DOCK3: variants seen among roughly 807,000 people sequenced by gnomAD.
The protein encoded by DOCK3 is dedicator of cytokinesis 3, also known as dedicator of cytokinesis protein 3.
DOCK3 carries 60 observed loss-of-function variants against 265.6 expected under a neutral mutation model. The observed-to-expected ratio is 0.23, with a 90% CI of 0.18 to 0.28. The LOEUF is 0.28. DOCK3 is among the 10% of genes least tolerant of loss of function. DOCK3 has a pLI of 1.00. For missense variants in DOCK3, 1,981 were observed against 2,594.3 expected (o/e 0.76, Z 5.14); for synonymous variants, 881 against 938.0 (o/e 0.94, Z 1.11).
At chr3:51,017,777 A>G (rs1034929350) in intron 5 of DOCK3, among the ~76,000 whole-genome samples, 6 of 151,878 alleles carry the variant, frequency 4.0e-5, no homozygotes, top group African/African-American at 1.5e-4. Context: ...ATTGAGAATG[A>G]TCATGGCTGA....
At chr3:51,025,619 A>C (rs1054507379) in intron 5 of DOCK3, among the ~76,000 whole-genome samples, 1 of 152,104 alleles carries the variant, frequency 6.6e-6, no homozygotes, top group African/African-American at 2.4e-5. Flanking sequence ...GGTTCTGTTC[A>C]TGGGGTGTTT....
Position 51,338,895 on chromosome 3 carries a change from C to T in DOCK3, c.3673-40C>T, listed in dbSNP as rs764236344. ...GCTGCCCAGAGCTTGGCTATGGCTT[C>T]CACAGGTAGTTGACAGGTGTTTCCT... On this transcript the variant is annotated intron_variant, in intron 36 of 52. Coordinates refer to ENST00000266037, the MANE Select transcript of DOCK3 (RefSeq NM_004947.5). The T allele has an allele frequency of 3.0e-5, 46 of 1,535,050 alleles. No individual in the cohort carries two copies. The South Asian group carries it at 4.7e-4, about 16-fold the overall frequency.
At chr3:50,997,964 A>C (rs1453360352) in intron 5 of DOCK3, among the ~76,000 whole-genome samples, 1 of 152,216 alleles carries the variant, frequency 6.6e-6, no homozygotes. Flanking sequence ...ATATTAGAGA[A>C]TATAATGTAT....
chr3:51,036,409 A>G (rs2080265633), intron 5 of DOCK3, among the ~76,000 whole-genome samples: 1 of 152,180 alleles, frequency 6.6e-6, no homozygotes, highest in African/African-American at 2.4e-5. Context: ...CTGATTGTAG[A>G]GATCAAAATA....
chr3:50,721,782 G>A (rs565462608), intron 1 of DOCK3, among the ~76,000 whole-genome samples: 4 of 152,274 alleles, frequency 2.6e-5, no homozygotes, highest in South Asian at 4.2e-4. Context: ...ATTGCTTTGG[G>A]CAGTATGGCC....
chr3:51,106,653 C>T (rs567969794), intron 9 of DOCK3, among the ~76,000 whole-genome samples: 1 of 152,312 alleles, frequency 6.6e-6, no homozygotes, highest in South Asian at 2.1e-4. Flanking sequence ...TTGCCCCTAG[C>T]CCTGAGCAGC....
intron 32 of DOCK3, among the ~76,000 whole-genome samples, chr3:51,326,581 GTTTTGTTGT>G (rs1438556277): frequency 1.1e-4 from 15 of 130,628 alleles, no homozygotes; most frequent in Non-Finnish European, 9.8e-5. Flanking sequence ...CGCCTGGCAT[GTTTTGTTGT>G]TGTTGTTGTT....
intron 32 of DOCK3, among the ~76,000 whole-genome samples, chr3:51,321,025 T>C (rs1347281845): frequency 2.0e-5 from 3 of 152,216 alleles, no homozygotes; most frequent in African/African-American, 7.2e-5. Context: ...CCATGTCTCC[T>C]GACTGGGAGA....
At chr3:51,350,742 A>G (rs1285576918) in intron 40 of DOCK3, among the ~76,000 whole-genome samples, 3 of 152,176 alleles carry the variant, frequency 2.0e-5, no homozygotes, top group Admixed American at 6.5e-5. Context: ...TCTCAGCCAT[A>G]TAGGGCACCA....
intron 49 of DOCK3, among the ~76,000 whole-genome samples, chr3:51,369,075 A>G (rs2087476555): frequency 6.6e-6 from 1 of 152,264 alleles, no homozygotes; most frequent in African/African-American, 2.4e-5. Flanking sequence ...AGATAAAACC[A>G]CAAAGATGGG....
chr3:51,160,426 G>A, intron 11 of DOCK3, 129 bp from the exon 12 acceptor site: 2 of 1,223,604 alleles, frequency 1.6e-6, no homozygotes, highest in East Asian at 2.6e-5. Flanking sequence ...ACTCCCTTCA[G>A]CCCTGTAGTC....
At chr3:50,680,771 C>A (rs930794421) in intron 1 of DOCK3, among the ~76,000 whole-genome samples, 1 of 151,520 alleles carries the variant, frequency 6.6e-6, no homozygotes, top group South Asian at 2.1e-4. Context: ...TGGGGAGTGG[C>A]GGGTTTACAG....
chr3:50,955,376 C>G (rs2076701673), intron 5 of DOCK3, among the ~76,000 whole-genome samples: 1 of 152,134 alleles, frequency 6.6e-6, no homozygotes, highest in African/African-American at 2.4e-5. Context: ...CATAAAGACA[C>G]ATGCACACAA....
At chr3:51,132,282 C>T (rs2084592917) in intron 9 of DOCK3, among the ~76,000 whole-genome samples, 1 of 152,148 alleles carries the variant, frequency 6.6e-6, no homozygotes. Context: ...TATCCATTCC[C>T]ATCCTGTTCT....
intron 2 of DOCK3, among the ~76,000 whole-genome samples, chr3:50,835,439 C>T (rs1454545042): frequency 6.6e-6 from 1 of 152,152 alleles, no homozygotes; most frequent in East Asian, 1.9e-4. Flanking sequence ...CAGAAACTTC[C>T]ATTCGAGAGC....
chr3:51,092,210 C>A (rs940262454), intron 9 of DOCK3, among the ~76,000 whole-genome samples: 1 of 152,202 alleles, frequency 6.6e-6, no homozygotes, highest in Non-Finnish European at 1.5e-5. Context: ...GCCAAGTGGT[C>A]TGGTTTGGCA....
At chr3:51,360,465 T>A (rs752400484) in intron 46 of DOCK3, 46 bp from the exon 47 acceptor site, 1 of 1,577,184 alleles carries the variant, frequency 6.3e-7, no homozygotes, top group Non-Finnish European at 8.6e-7. Context: ...CCTTAGTTAC[T>A]TATTTATTCT....
rs1559977246 is a variant in DOCK3 at position 51,041,173 on chromosome 3, TA to T, written c.316-23274del. Among the ~76,000 whole-genome samples the T allele has an allele frequency of 6.3e-3, 69 of 10,898 alleles. 2 individuals carry two copies. Among genetic ancestry groups the T allele is most frequent in the African/African-American group, 0.018 (66 of 3,676 alleles). 7.1% of individuals were successfully genotyped at this position (10,898 alleles called of 152,430 possible). A position where few individuals can be genotyped will look rare whatever the true frequency, so the allele number is the denominator to read the frequency against. On this transcript the variant is annotated intron_variant, in intron 5 of 52. Transcript: ENST00000266037. ...CAGCCTTACAAAATGTATATATATA[TA>T]TATATATATATATATATATATATAT...
At position 51,141,965 on chromosome 3, in the gene DOCK3, G is replaced by GT. The variant is rs539685323; in HGVS notation, c.747-4570dup. ...TTTTTTTCTGTTATTTTTGGAAGTG[G>GT]TTTTTTTTTTTTTTACTTTACTGTT... is the stretch of plus-strand genomic sequence containing the variant. On this transcript the variant is annotated intron_variant, in intron 9 of 52. Coordinates refer to ENST00000266037, the MANE Select transcript of DOCK3 (RefSeq NM_004947.5). 2.6e-3 allele frequency among the ~76,000 whole-genome samples: 361 copies of GT among 138,708 alleles called. 1 individual carries two copies. Among genetic ancestry groups the GT allele is most frequent in the African/African-American group, 3.9e-3 (149 of 38,372 alleles). The allele number at this position is 138,708 out of a possible 152,430, so 91.0% of individuals were successfully genotyped here.
Sources: allele counts gnomAD v4.1 joint callset (sites outside exome capture counted in the v4.1 genomes callset), GRCh38; gene constraint gnomAD v4.1.1; transcripts MANE v1.5; gene names NCBI Gene and HGNC (gene_info 2026-07-23, HGNC 2026-07-21).